CRPPA: variants seen among roughly 807,000 people sequenced by gnomAD.
CRPPA encodes D-ribitol-5-phosphate cytidylyltransferase.
CRPPA carries 43 observed loss-of-function variants against 52.0 expected under a neutral mutation model. That is an observed-to-expected ratio of 0.83 (90% CI 0.65 to 1.07). The LOEUF (loss-of-function observed/expected upper bound fraction) is 1.07, where lower values mean the gene tolerates loss of function less well. Ranked by LOEUF, CRPPA falls within the 50% of genes least tolerant of loss-of-function variation. The pLI is 0.00. For missense variants in CRPPA, 629 were observed against 551.7 expected (o/e 1.14, Z -1.40); for synonymous variants, 250 against 203.5 (o/e 1.23, Z -1.94).
chr7:16,259,055 C>A (rs757453295), intron 6 of CRPPA, 43 bp from the exon 7 acceptor site: 8 of 1,284,794 alleles, frequency 6.2e-6, no homozygotes, highest in Admixed American at 1.9e-5. Flanking sequence ...TTAGATAGAC[C>A]AAACATAAAC....
At chr7:16,383,368 A>G (rs1212356842) in intron 2 of CRPPA, among the ~76,000 whole-genome samples, 3 of 152,152 alleles carry the variant, frequency 2.0e-5, no homozygotes, top group African/African-American at 7.2e-5. Flanking sequence ...GTCTCAGAGG[A>G]GTACCCGGCC....
chr7:16,237,629 C>A (rs887303650), intron 8 of CRPPA, among the ~76,000 whole-genome samples: 1 of 152,148 alleles, frequency 6.6e-6, no homozygotes, highest in African/African-American at 2.4e-5. Context: ...ACTGCAGTAG[C>A]CTCCCAACTA....
chr7:16,269,263 CACA>C (rs1023607928), intron 6 of CRPPA: 1 of 150,068 alleles, frequency 6.7e-6, no homozygotes, highest in Non-Finnish European at 1.5e-5. Context: ...TGTAGAATGA[CACA>C]ACAATTGATG....
At chr7:16,341,671 AT>A (rs1432049539) in intron 3 of CRPPA, among the ~76,000 whole-genome samples, 4 of 144,250 alleles carry the variant, frequency 2.8e-5, no homozygotes, top group African/African-American at 8.8e-5. Flanking sequence ...AGGGACTTTA[AT>A]TAATAACGTG....
intron 2 of CRPPA, among the ~76,000 whole-genome samples, chr7:16,392,132 C>G (rs1418990243): frequency 6.6e-6 from 1 of 152,042 alleles, no homozygotes; most frequent in Non-Finnish European, 1.5e-5. Context: ...AAAATTTTAA[C>G]CAGGTATTTT....
In CRPPA at chr7:16,089,191, T is replaced by C; in HGVS notation, c.*2504A>G. 3.0e-6 allele frequency: 1 copy of C among 332,848 alleles called. No individual in the cohort carries two copies. Among genetic ancestry groups the C allele is most frequent in the Non-Finnish European group, 6.8e-6 (1 of 146,942 alleles). The allele number at this position is 332,848 out of a possible 1,614,324, so 20.6% of individuals were successfully genotyped here. ...ATATATACGTACGTATATACATATATGTGTGTATATACGTACGTATATACA... is the reference window on the plus strand; with the variant it reads ...ATATATACGTACGTATATACATATACGTGTGTATATACGTACGTATATACA... On this transcript the variant is annotated 3_prime_UTR_variant, in exon 10 of 10. Transcript: ENST00000407010.
intron 3 of CRPPA, among the ~76,000 whole-genome samples, chr7:16,322,955 G>A (rs1785295340): frequency 6.6e-6 from 1 of 152,050 alleles, no homozygotes; most frequent in South Asian, 2.1e-4. Context: ...AGCAAGCTGG[G>A]GAAATGCCAG....
intron 8 of CRPPA, among the ~76,000 whole-genome samples, chr7:16,234,041 G>GA (rs1270427793): frequency 6.6e-6 from 1 of 151,836 alleles, no homozygotes; most frequent in African/African-American, 2.4e-5. Flanking sequence ...AAGGAGACAG[G>GA]AAAAAAGAAC....
chr7:16,142,507 A>C (rs1037024800), intron 9 of CRPPA, among the ~76,000 whole-genome samples: 8 of 152,216 alleles, frequency 5.3e-5, no homozygotes, highest in Admixed American at 1.3e-4. Flanking sequence ...TTTGAATATA[A>C]ATGCTGATAA....
intron 3 of CRPPA, among the ~76,000 whole-genome samples, chr7:16,322,782 T>A (rs568250221): frequency 2.0e-5 from 3 of 152,276 alleles, no homozygotes; most frequent in South Asian, 4.1e-4. Context: ...GAACAGTGTA[T>A]CAGTCCGTTC....
rs1788337298 is a variant in CRPPA at position 16,421,431 on chromosome 7, G to T, written c.-109C>A. The T allele has an allele frequency of 9.2e-7, 1 of 1,085,408 alleles. No individual in the cohort carries two copies. Among genetic ancestry groups the T allele is most frequent in the Non-Finnish European group, 1.2e-6 (1 of 862,170 alleles). 67.2% of individuals were successfully genotyped at this position (1,085,408 alleles called of 1,614,324 possible). On this transcript the variant is annotated 5_prime_UTR_variant, in exon 1 of 10. Transcript: ENST00000407010. ...CGAAGGGCAGACCACGGAGAGGGAC[G>T]CAGAGCGCGCAAGCAGAAGGCGCCC...
intron 8 of CRPPA, 27 bp from the exon 9 acceptor site, chr7:16,216,224 G>T: frequency 2.8e-6 from 4 of 1,452,828 alleles, no homozygotes; most frequent in Non-Finnish European, 3.8e-6. Context: ...ACAGTATTTA[G>T]AATATCATTC....
intron 2 of CRPPA, among the ~76,000 whole-genome samples, chr7:16,392,991 T>C (rs1787482564): frequency 6.6e-6 from 1 of 152,174 alleles, no homozygotes; most frequent in African/African-American, 2.4e-5. Context: ...GAAACAATCT[T>C]GTTTTAAGGA....
At chr7:16,311,306 C>T (rs965413798) in intron 3 of CRPPA, among the ~76,000 whole-genome samples, 7 of 152,074 alleles carry the variant, frequency 4.6e-5, no homozygotes, top group Non-Finnish European at 8.8e-5. Context: ...TAGTTTCACA[C>T]GACAGTGAAA....
chr7:16,140,272 T>A (rs977533566), intron 9 of CRPPA, among the ~76,000 whole-genome samples: 1 of 152,104 alleles, frequency 6.6e-6, no homozygotes, highest in African/African-American at 2.4e-5. Context: ...CTCAGGCTCC[T>A]GAGTAGCTGG....
intron 1 of CRPPA, among the ~76,000 whole-genome samples, chr7:16,417,035 C>G (rs746119734): frequency 6.6e-6 from 1 of 152,118 alleles, no homozygotes; most frequent in Admixed American, 6.5e-5. Context: ...ATCCAAGTAT[C>G]CAACAAACAA....
intron 9 of CRPPA, among the ~76,000 whole-genome samples, chr7:16,100,178 A>C (rs1356502775): frequency 2.0e-5 from 3 of 152,190 alleles, no homozygotes; most frequent in Non-Finnish European, 4.4e-5. Context: ...TATAATCATT[A>C]TTATTTCTGC....
chr7:16,244,864 A>G (rs547903094), intron 8 of CRPPA, among the ~76,000 whole-genome samples: 1 of 152,332 alleles, frequency 6.6e-6, no homozygotes, highest in African/African-American at 2.4e-5. Flanking sequence ...CAATAAATGC[A>G]CTGAATATCT....
At chr7:16,161,286 C>G (rs958143231) in intron 9 of CRPPA, among the ~76,000 whole-genome samples, 1 of 152,120 alleles carries the variant, frequency 6.6e-6, no homozygotes, top group South Asian at 2.1e-4. Flanking sequence ...ATGCTTCCAG[C>G]TTTTGCCCAT....
Sources: allele counts gnomAD v4.1 joint callset (sites outside exome capture counted in the v4.1 genomes callset), GRCh38; gene constraint gnomAD v4.1.1; transcripts MANE v1.5; gene names NCBI Gene and HGNC (gene_info 2026-07-23, HGNC 2026-07-21).